The following SYNE2 variants were observed in gnomAD, a reference collection of about 807,000 sequenced individuals.
SYNE2 encodes spectrin repeat containing nuclear envelope protein 2, also known as nesprin-2.
A neutral mutation model predicts 856.3 loss-of-function variants in SYNE2; 431 were observed. That is an observed-to-expected ratio of 0.50 (90% CI 0.47 to 0.55). The LOEUF (loss-of-function observed/expected upper bound fraction) is 0.55. Ranked by LOEUF, SYNE2 falls within the 20% of genes least tolerant of loss-of-function variation. SYNE2 has a pLI of 0.00. For synonymous variants in SYNE2, 2,923 were observed against 2,872.3 expected (o/e 1.02, Z -0.56); for missense variants, 8,129 against 8,023.2 (o/e 1.01, Z -0.50).
chr14:63,897,177 C>T (rs2095265927), intron 1 of SYNE2, among the ~76,000 whole-genome samples: 1 of 152,076 alleles, frequency 6.6e-6, no homozygotes, highest in African/African-American at 2.4e-5. Flanking sequence ...TGCTTGAACC[C>T]GGGAGGTGGA....
At chr14:64,118,880 G>C (rs897701255) in intron 66 of SYNE2, among the ~76,000 whole-genome samples, 3 of 148,396 alleles carry the variant, frequency 2.0e-5, no homozygotes, top group Non-Finnish European at 4.5e-5. Context: ...AAAAAAAAAA[G>C]ATTAGGAAGG....
At chr14:63,962,775 C>A (rs1240061408) in intron 9 of SYNE2, among the ~76,000 whole-genome samples, 1 of 152,148 alleles carries the variant, frequency 6.6e-6, no homozygotes, top group East Asian at 1.9e-4. Context: ...CTCCTGGCCT[C>A]AAGTGATCTG....
At chr14:64,066,710 G>C (rs1030124729) in intron 51 of SYNE2, among the ~76,000 whole-genome samples, 2 of 152,166 alleles carry the variant, frequency 1.3e-5, no homozygotes, top group African/African-American at 4.8e-5. Context: ...ACCAGTGCTT[G>C]CCTGTCCATA....
At chr14:64,025,569 A>T in intron 41 of SYNE2, 148 bp downstream of exon 41, 1 of 823,882 alleles carries the variant, frequency 1.2e-6, no homozygotes, top group Admixed American at 2.7e-5. Context: ...GCTTACAAAA[A>T]AGAAGGGTTG....
chr14:63,981,861 G>T (rs1258714578), intron 16 of SYNE2, among the ~76,000 whole-genome samples: 1 of 152,062 alleles, frequency 6.6e-6, no homozygotes, highest in Non-Finnish European at 1.5e-5. Context: ...TTGTGATAAC[G>T]GTAAGAGTGC....
intron 1 of SYNE2, among the ~76,000 whole-genome samples, chr14:63,795,866 G>A (rs1401792471): frequency 2.6e-5 from 4 of 152,118 alleles, no homozygotes; most frequent in Non-Finnish European, 5.9e-5. Flanking sequence ...CATGCTCTGT[G>A]GAAGAAATCA....
intron 19 of SYNE2, among the ~76,000 whole-genome samples, chr14:63,989,149 A>T (rs1394702587): frequency 6.6e-6 from 1 of 152,130 alleles, no homozygotes. Flanking sequence ...TGGCATTTTT[A>T]AAATTGAATT....
chr14:64,018,463 T>A (rs2096911562), intron 34 of SYNE2, among the ~76,000 whole-genome samples: 1 of 152,174 alleles, frequency 6.6e-6, no homozygotes, highest in Non-Finnish European at 1.5e-5. Flanking sequence ...AGACTGGTCT[T>A]GAGCTCCTGA....
chr14:64,119,683 T>TCATCACTTCCAACCAGA, intron 67 of SYNE2, 74 bp downstream of exon 67: 1 of 1,500,578 alleles, frequency 6.7e-7, no homozygotes, highest in Non-Finnish European at 9.1e-7. Context: ...GAACTCTGGT[T>TCATCACTTCCAACCAGA]GGAAGTGATG....
chr14:64,214,445 G>A lies in SYNE2; in HGVS notation c.19308G>A (p.Glu6436=), dbSNP rs757909286. 4 of 1,613,626 alleles carry A rather than the reference G, an allele frequency of 2.5e-6. No homozygotes were observed. In the South Asian group the frequency reaches 3.3e-5, roughly 13 times the overall value. Residue 6436 remains glutamate (E), a synonymous_variant, in exon 106 of 116, where the codon GAG becomes GAA. Transcript: ENST00000555002. ...CCTCCTCTCACGAAGAGGACGAGGAGGGCCCATACTACAGCGCACTGTCAG... is the reference window on the plus strand; with the variant it reads ...CCTCCTCTCACGAAGAGGACGAGGAAGGCCCATACTACAGCGCACTGTCAG... ...GGSSSHEEDE[E]GPYYSALSDV...
At chr14:63,877,910 C>T (rs1242159116) in intron 1 of SYNE2, among the ~76,000 whole-genome samples, 1 of 150,514 alleles carries the variant, frequency 6.6e-6, no homozygotes, top group Admixed American at 6.6e-5. Flanking sequence ...TTTTTTGAGA[C>T]AGGGTCTCAT....
chr14:64,114,174 C>A (rs2097836000), intron 66 of SYNE2, among the ~76,000 whole-genome samples: 1 of 152,146 alleles, frequency 6.6e-6, no homozygotes, highest in Admixed American at 6.5e-5. Context: ...TTGGGAGGGG[C>A]AGGGATATAA....
At chr14:64,170,628 G>A (rs983883025) in intron 94 of SYNE2, among the ~76,000 whole-genome samples, 166 bp downstream of exon 94, 2 of 152,250 alleles carry the variant, frequency 1.3e-5, no homozygotes, top group East Asian at 3.9e-4. Context: ...CCAGTCCCTA[G>A]CATTGTGGGG....
chr14:64,068,696 C>A (rs1333642740), intron 51 of SYNE2, among the ~76,000 whole-genome samples: 3 of 151,842 alleles, frequency 2.0e-5, no homozygotes, highest in East Asian at 3.9e-4. Flanking sequence ...CCTGTCTCTA[C>A]TAAAAATACA....
At chr14:64,040,834 G>T (rs903405671) in intron 45 of SYNE2, among the ~76,000 whole-genome samples, 21 of 151,610 alleles carry the variant, frequency 1.4e-4, no homozygotes, top group African/African-American at 2.7e-4. Flanking sequence ...TTCCAAAATT[G>T]AGGAAAAATA....
At chr14:63,944,437 C>T (rs76927328) in intron 6 of SYNE2, among the ~76,000 whole-genome samples, 2,097 of 150,482 alleles carry the variant, frequency 0.014, 49 homozygotes, top group African/African-American at 0.048. Context: ...AAAACCTTTG[C>T]GATACAATCT....
chr14:63,945,104 CT>C (rs34692882), intron 6 of SYNE2, among the ~76,000 whole-genome samples: 2,370 of 106,114 alleles, frequency 0.022, 48 homozygotes, highest in African/African-American at 0.064. Flanking sequence ...CACACCTGGC[CT>C]TTTTTTTTTT....
chr14:64,171,890 G>A (rs570417853), intron 94 of SYNE2, among the ~76,000 whole-genome samples: 21 of 152,210 alleles, frequency 1.4e-4, no homozygotes, highest in Non-Finnish European at 1.9e-4. Context: ...TCACTCTGTC[G>A]CCCAGGCTGG....
At position 64,060,059 on chromosome 14, in the gene SYNE2, C is replaced by T. The variant is rs915549653; in HGVS notation, c.10068-2692C>T. Among the ~76,000 whole-genome samples the T allele has an allele frequency of 9.2e-5, 14 of 152,164 alleles. No homozygotes were observed. The East Asian group carries it at 2.3e-3, about 25-fold the overall frequency. ...GACTCACCATTCAGGACAGTGGGCT[C>T]GCTCCTCTGGCCCAGGGTGGGTCCA... On this transcript the variant is annotated intron_variant, in intron 49 of 115. Transcript: ENST00000555002.
Sources: gnomAD v4.1 joint callset for allele counts (sites outside exome capture counted in the v4.1 genomes callset) on GRCh38, gnomAD v4.1.1 for gene constraint, MANE v1.5 for transcripts, NCBI Gene and HGNC (gene_info 2026-07-23, HGNC 2026-07-21) for gene names.